PDSS2: variants seen among roughly 807,000 people sequenced by gnomAD.
The protein encoded by PDSS2 is decaprenyl diphosphate synthase subunit 2, also known as all trans-polyprenyl-diphosphate synthase PDSS2.
A neutral mutation model predicts 44.5 loss-of-function variants in PDSS2; 31 were observed. That is an observed-to-expected ratio of 0.70 (90% CI 0.52 to 0.94). The LOEUF (loss-of-function observed/expected upper bound fraction) is 0.94. PDSS2 is among the 40% of genes least tolerant of loss of function. The pLI is 0.00. For missense variants in PDSS2, 452 were observed against 482.2 expected, an observed-to-expected ratio of 0.94 and a Z score of 0.59; for synonymous variants, 157 against 180.3, an observed-to-expected ratio of 0.87 and a Z score of 1.03.
At chr6:107,434,388 T>C (rs1034863150) in intron 1 of PDSS2, among the ~76,000 whole-genome samples, 1 of 152,186 alleles carries the variant, frequency 6.6e-6, no homozygotes. Flanking sequence ...ATAAAGCAAA[T>C]GTGGTACATA....
At chr6:107,335,217 GCTCTCTC>G (rs1465159070) in intron 1 of PDSS2, among the ~76,000 whole-genome samples, 1 of 147,858 alleles carries the variant, frequency 6.8e-6, no homozygotes, top group African/African-American at 2.5e-5. Context: ...TTCCTCATTT[GCTCTCTC>G]CTCTTTCTGG....
At chr6:107,336,063 C>A (rs1160520587) in intron 1 of PDSS2, among the ~76,000 whole-genome samples, 1 of 151,354 alleles carries the variant, frequency 6.6e-6, no homozygotes, top group Non-Finnish European at 1.5e-5. Context: ...GAGACCAGCC[C>A]GGCCAACATG....
At chr6:107,420,197 C>T (rs551482686) in intron 1 of PDSS2, among the ~76,000 whole-genome samples, 2 of 152,158 alleles carry the variant, frequency 1.3e-5, no homozygotes, top group African/African-American at 2.4e-5. Flanking sequence ...CTTCCTATTC[C>T]ATAAAAAATT....
chr6:107,346,514 C>A (rs1234410595), intron 1 of PDSS2, among the ~76,000 whole-genome samples: 1 of 152,142 alleles, frequency 6.6e-6, no homozygotes, highest in Non-Finnish European at 1.5e-5. Context: ...ATATAATAAT[C>A]ATGTTATAGC....
intron 1 of PDSS2, among the ~76,000 whole-genome samples, chr6:107,351,677 G>A (rs1055136951): frequency 6.6e-6 from 1 of 152,058 alleles, no homozygotes; most frequent in Non-Finnish European, 1.5e-5. Flanking sequence ...TACTGTGCAA[G>A]CTACTGCCTA....
At chr6:107,364,626 C>T (rs1005915707) in intron 1 of PDSS2, among the ~76,000 whole-genome samples, 1 of 152,182 alleles carries the variant, frequency 6.6e-6, no homozygotes, top group African/African-American at 2.4e-5. Context: ...GGTGCCTCTC[C>T]CTCCACACCT....
At chr6:107,159,534 A>G (rs1191775445) in intron 7 of PDSS2, among the ~76,000 whole-genome samples, 1 of 149,784 alleles carries the variant, frequency 6.7e-6, no homozygotes, top group Non-Finnish European at 1.5e-5. Context: ...TTCCTGCCTC[A>G]GCCTCCCGAG....
chr6:107,367,881 A>T (rs2114351751), intron 1 of PDSS2, among the ~76,000 whole-genome samples: 1 of 152,108 alleles, frequency 6.6e-6, no homozygotes, highest in South Asian at 2.1e-4. Flanking sequence ...GTGATCATCT[A>T]TGTGGAAAAT....
At chr6:107,164,872 G>A (rs1265320345) in intron 7 of PDSS2, among the ~76,000 whole-genome samples, 9 of 152,316 alleles carry the variant, frequency 5.9e-5, no homozygotes, top group Non-Finnish European at 1.2e-4. Flanking sequence ...ACTGGTGTGA[G>A]ATGGTATCTC....
At chr6:107,297,119 T>C (rs952110989) in intron 2 of PDSS2, among the ~76,000 whole-genome samples, 1 of 152,134 alleles carries the variant, frequency 6.6e-6, no homozygotes, top group Non-Finnish European at 1.5e-5. Flanking sequence ...CACATGGGCA[T>C]AGACAAAGGA....
intron 1 of PDSS2, among the ~76,000 whole-genome samples, chr6:107,416,035 G>A (rs1411258626): frequency 1.3e-5 from 2 of 152,180 alleles, no homozygotes; most frequent in East Asian, 1.9e-4. Context: ...GGCAATGTTT[G>A]TATTTCTTTA....
At chr6:107,367,443 G>A (rs1480162103) in intron 1 of PDSS2, among the ~76,000 whole-genome samples, 1 of 152,160 alleles carries the variant, frequency 6.6e-6, no homozygotes, top group East Asian at 1.9e-4. Flanking sequence ...ACAAGGTAAG[G>A]ATGTCAGTTC....
intron 7 of PDSS2, among the ~76,000 whole-genome samples, chr6:107,161,637 A>C (rs1771138588): frequency 6.6e-6 from 1 of 152,190 alleles, no homozygotes; most frequent in Non-Finnish European, 1.5e-5. Context: ...AACCACATCC[A>C]TTCATGTGAG....
intron 6 of PDSS2, among the ~76,000 whole-genome samples, chr6:107,199,620 T>A (rs555050728): frequency 3.9e-5 from 6 of 152,358 alleles, no homozygotes; most frequent in African/African-American, 1.4e-4. Flanking sequence ...GTTTTAGATA[T>A]GCTTCGTCTA....
intron 1 of PDSS2, among the ~76,000 whole-genome samples, chr6:107,399,566 T>C (rs367670296): frequency 1.3e-5 from 2 of 152,196 alleles, no homozygotes; most frequent in African/African-American, 4.8e-5. Context: ...AACACTGATT[T>C]CCAACCAAGT....
chr6:107,327,647 C>T (rs1226462360), intron 2 of PDSS2, among the ~76,000 whole-genome samples: 1 of 152,156 alleles, frequency 6.6e-6, no homozygotes, highest in African/African-American at 2.4e-5. Flanking sequence ...TTAGTAGAGA[C>T]AGGGTTTCAC....
chr6:107,286,136 T>TAAA (rs1554262539), intron 2 of PDSS2, among the ~76,000 whole-genome samples: 29 of 128,726 alleles, frequency 2.3e-4, no homozygotes, highest in African/African-American at 3.1e-4. Context: ...CGTCGCAAAA[T>TAAA]AAAAAAAAAA....
chr6:107,425,236 T>C lies in PDSS2; in HGVS notation c.296+33754A>G, dbSNP rs111605687. Among the ~76,000 whole-genome samples the C allele has an allele frequency of 2.7e-3, 409 of 152,142 alleles. 4 individuals are homozygous for C. Among genetic ancestry groups the C allele is most frequent in the African/African-American group, 9.6e-3 (400 of 41,512 alleles). ...ATACAGTAAATTGGTACCAGTAGAG[T>C]GGAGCATTGCTGAATGTATACCCAA... On this transcript the variant is annotated intron_variant, in intron 1 of 7. Transcript: ENST00000369037.
intron 1 of PDSS2, among the ~76,000 whole-genome samples, chr6:107,423,285 A>G (rs1780884815): frequency 6.6e-6 from 1 of 152,210 alleles, no homozygotes; most frequent in African/African-American, 2.4e-5. Flanking sequence ...TGGACAGCAA[A>G]AAGGGAAAAG....
Sources: gnomAD v4.1 joint callset for allele counts (sites outside exome capture counted in the v4.1 genomes callset) on GRCh38, gnomAD v4.1.1 for gene constraint, MANE v1.5 for transcripts, NCBI Gene and HGNC (gene_info 2026-07-23, HGNC 2026-07-21) for gene names.